F5: variants seen among roughly 807,000 people sequenced by gnomAD.
F5 encodes the protein coagulation factor V, also known as activated protein c cofactor.
F5 carries 138 observed loss-of-function variants against 216.4 expected under a neutral mutation model. The observed-to-expected ratio is 0.64, with a 90% CI of 0.56 to 0.73. The LOEUF (loss-of-function observed/expected upper bound fraction) is 0.73. Ranked by LOEUF, F5 falls within the 30% of genes least tolerant of loss-of-function variation. F5 has a pLI of 0.00. For synonymous variants in F5, 916 were observed against 930.7 expected (o/e 0.98, Z 0.29); for missense variants, 2,403 against 2,674.0 (o/e 0.90, Z 2.24).
At chr1:169,581,984 A>G (rs1660996978) in intron 2 of F5, among the ~76,000 whole-genome samples, 1 of 152,234 alleles carries the variant, frequency 6.6e-6, no homozygotes, top group Admixed American at 6.5e-5. Context: ...CCATGAACCC[A>G]GGATATGAGA....
intron 16 of F5, 84 bp from the exon 17 acceptor site, chr1:169,528,178 C>T: frequency 6.6e-7 from 1 of 1,522,658 alleles, no homozygotes; most frequent in Non-Finnish European, 9.0e-7. Context: ...GCAACCCACT[C>T]AACACCCATG....
At position 169,573,512 on chromosome 1, in the gene F5, C is replaced by A. The variant is rs115189482; in HGVS notation, c.251-1169G>T. ...ATTTTTGTAGGTAAGGCAAACAAGA[C>A]TTGCTGATGGATTGCATGTGGCTTG... On this transcript the variant is annotated intron_variant, in intron 2 of 24. Transcript: ENST00000367797. Among the ~76,000 whole-genome samples, 1,209 of 152,238 alleles carry A rather than the reference C, an allele frequency of 7.9e-3. 15 individuals carry two copies. The highest frequency in any genetic ancestry group is 0.028 in the African/African-American group (1,156 of 41,544).
intron 2 of F5, among the ~76,000 whole-genome samples, chr1:169,576,658 C>T (rs1423399233): frequency 6.6e-6 from 1 of 152,138 alleles, no homozygotes; most frequent in Non-Finnish European, 1.5e-5. Context: ...ACATGTCGGA[C>T]TCCACTGACT....
At chr1:169,525,813 A>G in intron 18 of F5, 88 bp downstream of exon 18, 1 of 939,372 alleles carries the variant, frequency 1.1e-6, no homozygotes, top group Non-Finnish European at 1.8e-6. Context: ...GAGTTCTTAG[A>G]GTTGAATATT....
At chr1:169,553,799 G>C (rs7533223) in intron 7 of F5, among the ~76,000 whole-genome samples, 18,719 of 152,172 alleles carry the variant, frequency 0.12, 1,919 homozygotes, top group African/African-American at 0.28. Flanking sequence ...CAAGAAAGAA[G>C]AGATGCTGGC....
At chr1:169,540,249 C>G in intron 13 of F5, 45 bp downstream of exon 13, 1 of 1,597,720 alleles carries the variant, frequency 6.3e-7, no homozygotes. Flanking sequence ...CTTTTTTCAG[C>G]AGTAATGGAA....
intron 2 of F5, among the ~76,000 whole-genome samples, chr1:169,580,551 T>G (rs1660964806): frequency 6.6e-6 from 1 of 152,130 alleles, no homozygotes; most frequent in Non-Finnish European, 1.5e-5. Flanking sequence ...GCACAACTAA[T>G]TTTTGTATTT....
chr1:169,530,434 T>C (rs890622988), intron 15 of F5, among the ~76,000 whole-genome samples: 2 of 152,128 alleles, frequency 1.3e-5, no homozygotes, highest in Non-Finnish European at 2.9e-5. Context: ...GATAAAGGAG[T>C]CTTGACTTTG....
At chr1:169,516,813 T>A (rs1659165131) in intron 23 of F5, among the ~76,000 whole-genome samples, 1 of 152,206 alleles carries the variant, frequency 6.6e-6, no homozygotes, top group South Asian at 2.1e-4. Flanking sequence ...GGAAGGGGGT[T>A]AAGTAAAACA....
intron 5 of F5, among the ~76,000 whole-genome samples, chr1:169,557,310 A>G (rs539587836): frequency 1.3e-5 from 2 of 152,340 alleles, no homozygotes; most frequent in East Asian, 3.9e-4. Flanking sequence ...TCAAATCACC[A>G]GAACCGCCAA....
chr1:169,528,381 T>A (rs1186744020), intron 16 of F5, among the ~76,000 whole-genome samples: 1 of 152,198 alleles, frequency 6.6e-6, no homozygotes, highest in East Asian at 1.9e-4. Context: ...AGTTCCGTGC[T>A]TTACCCGTGT....
chr1:169,535,925 G>A (rs1361700204), intron 14 of F5, among the ~76,000 whole-genome samples: 3 of 152,056 alleles, frequency 2.0e-5, no homozygotes, highest in African/African-American at 7.2e-5. Context: ...TTGAATGTGA[G>A]CGGTTAGCAA....
At chr1:169,567,719 T>A (rs1026594371) in intron 3 of F5, among the ~76,000 whole-genome samples, 7 of 152,118 alleles carry the variant, frequency 4.6e-5, no homozygotes, top group Non-Finnish European at 1.0e-4. Flanking sequence ...ACCATCATCA[T>A]CCACTAGGTT....
At position 169,542,320 on chromosome 1, in the gene F5, AG is replaced by A. The variant is rs754430059; in HGVS notation, c.2769del (p.Trp924GlyfsTer11). 3 of 1,599,474 alleles carry A rather than the reference AG, an allele frequency of 1.9e-6. No individual in the cohort carries two copies. The South Asian group carries it at 3.3e-5, about 18-fold the overall frequency. On this transcript the variant is annotated frameshift_variant, in exon 13 of 25. Transcript: ENST00000367797. LOFTEE classifies it high-confidence loss of function. ...AACAGATCACTAGGAGGGTCCTTCC[AG>A]GGCCTCATTCTGGAAGGAGAACCAG... ...QDTGSPSRMR[P>X]WKDPPSDLLL...
In F5 at chr1:169,544,150, AAT is replaced by A. The variant is rs1203773835; in HGVS notation, c.1975+144_1975+145del. The A allele has an allele frequency of 4.5e-5, 32 of 710,460 alleles. No individual in the cohort carries two copies. The South Asian group carries it at 5.1e-4, about 11-fold the overall frequency. 44.0% of individuals were successfully genotyped at this position (710,460 alleles called of 1,614,324 possible). On this transcript the variant is annotated intron_variant, in intron 12 of 24. Transcript: ENST00000367797. The stretch of plus-strand genomic sequence containing the variant: ...TTAAGTCATTAATTTCTCAAAGAGA[AAT>A]CATGAGAAACATTGAAAGAAAAGCC...
rs1202287794 is a variant in F5, at chr1:169,512,614, CT to C, written c.*1698del. Among the ~76,000 whole-genome samples the C allele has an allele frequency of 9.9e-5, 15 of 152,070 alleles. No homozygotes were observed. The highest frequency in any genetic ancestry group is 3.6e-4 in the African/African-American group (15 of 41,420). On this transcript the variant is annotated 3_prime_UTR_variant, in exon 25 of 25. Transcript: ENST00000367797. ...AAAACAAAGAAATGTTTTCCCCCAC[CT>C]TCCAACATTCTCTTTTGCTCTTAAC...
At chr1:169,518,332 A>C (rs1659206832) in intron 23 of F5, 80 bp downstream of exon 23, 1 of 1,529,502 alleles carries the variant, frequency 6.5e-7, no homozygotes, top group Non-Finnish European at 9.0e-7. Context: ...TGCTTCCCAG[A>C]TCCTCCATGT....
At chr1:169,549,021 T>C (rs1477596040) in intron 10 of F5, among the ~76,000 whole-genome samples, 1 of 152,190 alleles carries the variant, frequency 6.6e-6, no homozygotes, top group Admixed American at 6.5e-5. Flanking sequence ...AAGAGAAGGT[T>C]GCAATAGAAA....
chr1:169,543,225 C>T lies in F5; in HGVS notation c.1976-111G>A, dbSNP rs1659913497. On this transcript the variant is annotated intron_variant, in intron 12 of 24. Transcript: ENST00000367797. ...CTAATAAACTTTCGTCAGGAATATT[C>T]AAGTATGGGCTGTGGACCACTGCTT... 3 of 961,612 alleles carry T rather than the reference C, an allele frequency of 3.1e-6. No individual in the cohort carries two copies. The East Asian group carries it at 7.6e-5, about 24-fold the overall frequency. The allele number at this position is 961,612 out of a possible 1,614,324, so 59.6% of individuals were successfully genotyped here. A position where few individuals can be genotyped will look rare whatever the true frequency, so the allele number is the denominator to read the frequency against.
Sources: allele counts gnomAD v4.1 joint callset (sites outside exome capture counted in the v4.1 genomes callset), GRCh38; gene constraint gnomAD v4.1.1; transcripts MANE v1.5; gene names NCBI Gene and HGNC (gene_info 2026-07-23, HGNC 2026-07-21).